KDSR: variants seen among roughly 807,000 people sequenced by gnomAD.
KDSR encodes the protein 3-dehydrosphinganine reductase.
In KDSR, 23 loss-of-function variants were observed where a neutral mutation model predicts 41.3. The ratio of observed to expected loss-of-function variants is 0.56; its 90% CI spans 0.40 to 0.79. The LOEUF is 0.79. Ranked by LOEUF, KDSR falls within the 30% of genes least tolerant of loss-of-function variation. The probability of loss-of-function intolerance (pLI) is 0.00; values close to 1 mark genes in which losing one functional copy is unlikely to be tolerated. For synonymous variants in KDSR, 138 were observed against 151.7 expected, an observed-to-expected ratio of 0.91 and a Z score of 0.66; for missense variants, 351 against 416.8, an observed-to-expected ratio of 0.84 and a Z score of 1.37.
intron 3 of KDSR, 79 bp from the exon 4 acceptor site, chr18:63,355,642 A>C (rs1914774772): frequency 1.4e-6 from 2 of 1,442,646 alleles, no homozygotes; most frequent in African/African-American, 1.4e-5. Flanking sequence ...AAGAAAAGAC[A>C]GTTCATTGAA....
rs1914913598 is a variant in KDSR, at chr18:63,359,884, T to C, written c.199-92A>G. 2.0e-5 allele frequency: 17 copies of C among 850,124 alleles called. No individual in the cohort carries two copies. In the East Asian group the frequency reaches 2.7e-4, roughly 13 times the overall value. The allele number at this position is 850,124 out of a possible 1,614,324, so 52.7% of individuals were successfully genotyped here. On this transcript the variant is annotated intron_variant, in intron 2 of 9. Coordinates refer to ENST00000645214, the MANE Select transcript of KDSR (RefSeq NM_002035.4). Reference sequence around the variant, plus strand: ...GAGAAAAAAAGCAATTATTTCTATATGTATGTATTAAATTCCAGAAAACAC... The same window carrying C: ...GAGAAAAAAAGCAATTATTTCTATACGTATGTATTAAATTCCAGAAAACAC...
At chr18:63,353,313 A>G (rs1382948173) in intron 5 of KDSR, among the ~76,000 whole-genome samples, 1 of 152,238 alleles carries the variant, frequency 6.6e-6, no homozygotes, top group African/African-American at 2.4e-5. Flanking sequence ...AAGAACACAC[A>G]AGAACAAAGA....
intron 2 of KDSR, among the ~76,000 whole-genome samples, chr18:63,360,881 G>A (rs1414032165): frequency 1.0e-4 from 14 of 138,220 alleles, no homozygotes; most frequent in African/African-American, 2.8e-4. Flanking sequence ...GAGGCCGGGC[G>A]CAGTGGCTCA....
chr18:63,347,266 G>A (rs1213078707), intron 6 of KDSR, among the ~76,000 whole-genome samples: 6 of 152,062 alleles, frequency 3.9e-5, no homozygotes, highest in Admixed American at 3.3e-4. Flanking sequence ...CACTTTGGGA[G>A]GCCGAGGCAG....
rs77124263 is a variant in KDSR, at chr18:63,344,797, G to A, written c.610-304C>T. ...ACAGAGGCCCTGGGAGCCGTCCGACGAGGGCAGTGTTTTAAAAAGAGTCCA... is the reference window on the plus strand; with the variant it reads ...ACAGAGGCCCTGGGAGCCGTCCGACAAGGGCAGTGTTTTAAAAAGAGTCCA... On this transcript the variant is annotated intron_variant, in intron 6 of 9. Coordinates refer to ENST00000645214, the MANE Select transcript of KDSR (RefSeq NM_002035.4). The A allele has an allele frequency of 9.1e-4, 245 of 268,054 alleles. 3 individuals are homozygous for A. The East Asian group carries it at 0.016, about 17-fold the overall frequency. The allele number at this position is 268,054 out of a possible 1,614,324, so 16.6% of individuals were successfully genotyped here.
Position 63,350,909 on chromosome 18 carries a change from C to T in KDSR, c.588G>A (p.Leu196=). The T allele has an allele frequency of 1.9e-6, 3 of 1,612,868 alleles. No individual in the cohort carries two copies. Among genetic ancestry groups the T allele is most frequent in the Non-Finnish European group, 2.5e-6 (3 of 1,179,370 alleles). Residue 196 remains leucine (L), a synonymous_variant, in exon 6 of 10, where the codon TTG becomes TTA. Coordinates refer to ENST00000645214, the MANE Select transcript of KDSR (RefSeq NM_002035.4). ...TTACCTCCATCTGCAAAGCTTCTGC[C>T]AATCCCCTTATGGCAAACTTGGATG... ...YSASKFAIRG[L]AEALQMEVKP...
chr18:63,329,009 G>A lies in KDSR; in HGVS notation c.*2773C>T, dbSNP rs1185628088. 1 of 196,678 alleles carries A rather than the reference G, an allele frequency of 5.1e-6. No individual in the cohort carries two copies. Among genetic ancestry groups the A allele is most frequent in the Non-Finnish European group, 1.1e-5 (1 of 95,014 alleles). The allele number at this position is 196,678 out of a possible 1,614,324, so 12.2% of individuals were successfully genotyped here. On this transcript the variant is annotated 3_prime_UTR_variant, in exon 10 of 10. Transcript: ENST00000645214. ...CCAATAGAAGGTGTTGAATCAATGT[G>A]ATCCTTTAAAAACAAAGTCATTAGT...
chr18:63,359,462 T>C, intron 3 of KDSR: 1 of 342,120 alleles, frequency 2.9e-6, no homozygotes, highest in Non-Finnish European at 5.3e-6. Flanking sequence ...TAAGCATTTG[T>C]ATAAAGTTCA....
chr18:63,346,233 G>A (rs1380588749), intron 6 of KDSR: 1 of 152,172 alleles, frequency 6.6e-6, no homozygotes, highest in Non-Finnish European at 1.5e-5. Context: ...GCAGCTTCAC[G>A]GCCCAGCCAT....
chr18:63,360,107 CT>C (rs1445987070), intron 2 of KDSR, among the ~76,000 whole-genome samples: 1 of 152,162 alleles, frequency 6.6e-6, no homozygotes, highest in Non-Finnish European at 1.5e-5. Flanking sequence ...TAATAAATGT[CT>C]TATTATTTAG....
intron 5 of KDSR, among the ~76,000 whole-genome samples, chr18:63,351,371 T>C (rs1185791638): frequency 6.6e-6 from 1 of 152,256 alleles, no homozygotes; most frequent in Non-Finnish European, 1.5e-5. Flanking sequence ...GTTAGTTTTC[T>C]CCTTATAAAA....
chr18:63,366,843 G>A (rs938730185), intron 1 of KDSR, among the ~76,000 whole-genome samples, 168 bp downstream of exon 1: 5 of 152,202 alleles, frequency 3.3e-5, no homozygotes, highest in Non-Finnish European at 7.4e-5. Flanking sequence ...CCGGGTGCCG[G>A]GGCCGGGGGA....
chr18:63,334,747 C>CCCA (rs1914107422), intron 9 of KDSR, among the ~76,000 whole-genome samples: 1 of 152,208 alleles, frequency 6.6e-6, no homozygotes, highest in Admixed American at 6.5e-5. Flanking sequence ...AGTACAGTGC[C>CCCA]TAGCACACCA....
rs531628911 is a variant in KDSR, at chr18:63,354,926, A to G, written c.417+278T>C. Among the ~76,000 whole-genome samples the G allele has an allele frequency of 3.3e-5, 5 of 152,312 alleles. No individual in the cohort carries two copies. In the East Asian group the frequency reaches 9.6e-4, roughly 29 times the overall value. ...AGTGTTCTCTTGAAAATATGACCTC[A>G]GTGAACTGCTACAGTAATCTGTGTC... On this transcript the variant is annotated intron_variant, in intron 5 of 9. Coordinates refer to ENST00000645214, the MANE Select transcript of KDSR (RefSeq NM_002035.4).
intron 6 of KDSR, chr18:63,346,162 G>C (rs921974352): frequency 2.6e-5 from 4 of 152,058 alleles, no homozygotes; most frequent in Non-Finnish European, 5.9e-5. Context: ...TGTCTTTGTG[G>C]GTTCCATTCC....
At chr18:63,357,207 G>C (rs916106603) in intron 3 of KDSR, among the ~76,000 whole-genome samples, 1 of 152,152 alleles carries the variant, frequency 6.6e-6, no homozygotes, top group African/African-American at 2.4e-5. Flanking sequence ...TGGCAGGGAT[G>C]TGGCGCAACA....
At chr18:63,351,796 T>C (rs566251395) in intron 5 of KDSR, among the ~76,000 whole-genome samples, 10 of 152,214 alleles carry the variant, frequency 6.6e-5, no homozygotes, top group African/African-American at 1.9e-4. Flanking sequence ...ATTATCATTT[T>C]TTTTAGAGAC....
chr18:63,359,178 CAAA>C (rs74169959), intron 3 of KDSR, among the ~76,000 whole-genome samples: 1 of 37,110 alleles, frequency 2.7e-5, no homozygotes, highest in Non-Finnish European at 5.4e-5. Flanking sequence ...GACACTGCCT[CAAA>C]AAAAAAAAAA....
chr18:63,341,514 TCA>T (rs750066635), intron 7 of KDSR, among the ~76,000 whole-genome samples: 1 of 149,270 alleles, frequency 6.7e-6, no homozygotes, highest in South Asian at 2.1e-4. Context: ...AATTAGAGGA[TCA>T]GTCCAGAAAG....
Sources: allele counts gnomAD v4.1 joint callset (sites outside exome capture counted in the v4.1 genomes callset), GRCh38; gene constraint gnomAD v4.1.1; transcripts MANE v1.5; gene names NCBI Gene and HGNC (gene_info 2026-07-23, HGNC 2026-07-21).